SYT16: variants seen among roughly 807,000 people sequenced by gnomAD.
SYT16 encodes synaptotagmin-16.
A neutral mutation model predicts 61.4 loss-of-function variants in SYT16; 42 were observed. The observed-to-expected ratio is 0.68, with a 90% CI of 0.53 to 0.89. The LOEUF is 0.89. SYT16 is among the 40% of genes least tolerant of loss of function. The pLI is 0.00. For synonymous variants in SYT16, 314 were observed against 302.3 expected, an observed-to-expected ratio of 1.04 and a Z score of -0.40; for missense variants, 804 against 807.3, an observed-to-expected ratio of 1.00 and a Z score of 0.05.
intron 3 of SYT16, among the ~76,000 whole-genome samples, chr14:62,039,133 G>A (rs2054617679): frequency 6.6e-6 from 1 of 151,634 alleles, no homozygotes; most frequent in Non-Finnish European, 1.5e-5. Context: ...CTTCTTCAGT[G>A]AAGAAAAAAA....
At chr14:61,932,526 A>G (rs1235453785) in intron 1 of SYT16, among the ~76,000 whole-genome samples, 2 of 152,098 alleles carry the variant, frequency 1.3e-5, no homozygotes, top group African/African-American at 4.8e-5. Context: ...AAACCATCAG[A>G]TCTCGTGAGA....
At chr14:62,094,461 A>G (rs2057196276) in intron 7 of SYT16, among the ~76,000 whole-genome samples, 1 of 152,046 alleles carries the variant, frequency 6.6e-6, no homozygotes, top group Non-Finnish European at 1.5e-5. Context: ...CAACAAACTC[A>G]TTAGGCACAT....
intron 7 of SYT16, among the ~76,000 whole-genome samples, chr14:62,099,064 G>T (rs1235197565): frequency 6.6e-6 from 1 of 152,186 alleles, no homozygotes; most frequent in East Asian, 1.9e-4. Context: ...AATGGCAGCA[G>T]TGGTAAGCAA....
chr14:61,891,125 T>G (rs2048108229), intron 1 of SYT16, among the ~76,000 whole-genome samples: 2 of 152,130 alleles, frequency 1.3e-5, no homozygotes, highest in African/African-American at 4.8e-5. Context: ...CATTTTTCTT[T>G]TGGCTCTAGA....
chr14:62,024,609 A>G (rs935277122), intron 3 of SYT16, among the ~76,000 whole-genome samples: 4 of 152,028 alleles, frequency 2.6e-5, no homozygotes, highest in African/African-American at 7.2e-5. Flanking sequence ...ATTTATTACA[A>G]TCAGTAAACC....
intron 3 of SYT16, among the ~76,000 whole-genome samples, chr14:62,028,595 T>A (rs2054189290): frequency 6.6e-6 from 1 of 152,132 alleles, no homozygotes; most frequent in African/African-American, 2.4e-5. Flanking sequence ...TTATATTAAT[T>A]TATGTGTTAA....
chr14:61,904,075 A>T (rs934937986), intron 1 of SYT16, among the ~76,000 whole-genome samples: 1 of 152,170 alleles, frequency 6.6e-6, no homozygotes, highest in Non-Finnish European at 1.5e-5. Flanking sequence ...TCTCCTGGAT[A>T]CTGCTCACAC....
chr14:61,928,731 C>T (rs1477212940), intron 1 of SYT16, among the ~76,000 whole-genome samples: 1 of 152,266 alleles, frequency 6.6e-6, no homozygotes, highest in Non-Finnish European at 1.5e-5. Flanking sequence ...ATAAGCACAC[C>T]GGAGGTGTCT....
intron 3 of SYT16, among the ~76,000 whole-genome samples, chr14:62,046,472 C>T (rs1271487576): frequency 2.2e-4 from 33 of 151,876 alleles, no homozygotes; most frequent in East Asian, 9.7e-4. Flanking sequence ...ATCCCATTTG[C>T]CAATTTTGGC....
Position 61,996,478 on chromosome 14 carries a change from C to A in SYT16, c.459C>A (p.Gly153=), listed in dbSNP as rs769159158. 1 of 1,613,174 alleles carries A rather than the reference C, an allele frequency of 6.2e-7. No homozygotes were observed. Among genetic ancestry groups the A allele is most frequent in the East Asian group, 2.2e-5 (1 of 44,836 alleles). Residue 153 remains glycine (G), a synonymous_variant, in exon 3 of 8, where the codon GGC becomes GGA. Coordinates refer to ENST00000683842, the MANE Select transcript of SYT16 (RefSeq NM_001367656.1). Reference sequence around the variant, plus strand: ...ATCACCTTGAAAAGCAAAGAAGTGGCCTTCAACATGGCTTTGACAGCCAGC... The same window carrying A: ...ATCACCTTGAAAAGCAAAGAAGTGGACTTCAACATGGCTTTGACAGCCAGC... The part of the protein sequence containing the change: ...EEHHLEKQRS[G]LQHGFDSQLP...
intron 1 of SYT16, among the ~76,000 whole-genome samples, chr14:61,878,308 C>A (rs1359266246): frequency 6.6e-6 from 1 of 152,170 alleles, no homozygotes; most frequent in East Asian, 1.9e-4. Flanking sequence ...TTCTTGCCTC[C>A]TTTTTGCTCA....
chr14:61,896,764 T>G (rs755316582), intron 1 of SYT16, among the ~76,000 whole-genome samples: 3 of 152,256 alleles, frequency 2.0e-5, no homozygotes, highest in Non-Finnish European at 4.4e-5. Context: ...CTTGAAAATA[T>G]TTTGCTTTAT....
At chr14:62,014,855 A>G (rs895710707) in intron 3 of SYT16, among the ~76,000 whole-genome samples, 3 of 152,186 alleles carry the variant, frequency 2.0e-5, no homozygotes, top group African/African-American at 7.2e-5. Flanking sequence ...TTCCAGTACA[A>G]CTTCCTTTGA....
intron 1 of SYT16, among the ~76,000 whole-genome samples, chr14:61,946,150 T>A (rs2050426422): frequency 6.6e-6 from 1 of 152,072 alleles, no homozygotes; most frequent in African/African-American, 2.4e-5. Flanking sequence ...ATGGCACGTG[T>A]ATACCTATGT....
chr14:61,957,396 A>G (rs1348868583), intron 1 of SYT16, among the ~76,000 whole-genome samples: 1 of 151,904 alleles, frequency 6.6e-6, no homozygotes, highest in Non-Finnish European at 1.5e-5. Context: ...TGGATCTTAG[A>G]GGGAAGCTTT....
Position 61,961,946 on chromosome 14 carries a change from A to G in SYT16, c.-324-8186A>G, listed in dbSNP as rs2051132861. 2.0e-5 allele frequency among the ~76,000 whole-genome samples: 3 copies of G among 152,188 alleles called. No homozygotes were observed. In the South Asian group the frequency reaches 6.2e-4, roughly 32 times the overall value. On this transcript the variant is annotated intron_variant, in intron 1 of 7. Transcript: ENST00000683842. ...GAATACTACATAGCCATAGAAAAGAATGAGATTATGTCCTTTGCAGCAACA... is the reference window on the plus strand; with the variant it reads ...GAATACTACATAGCCATAGAAAAGAGTGAGATTATGTCCTTTGCAGCAACA...
intron 1 of SYT16, among the ~76,000 whole-genome samples, chr14:61,882,506 C>T (rs2047735922): frequency 6.6e-6 from 1 of 152,168 alleles, no homozygotes. Context: ...CATTTACCTC[C>T]ACCTAGTCTT....
intron 1 of SYT16, among the ~76,000 whole-genome samples, chr14:61,969,173 G>T (rs1308688105): frequency 1.3e-5 from 2 of 152,168 alleles, no homozygotes; most frequent in African/African-American, 4.8e-5. Flanking sequence ...ACTGATTAAA[G>T]CTGCTCTTAG....
Position 61,996,151 on chromosome 14 carries a change from A to G in SYT16, c.132A>G (p.Lys44=). Residue 44 remains lysine (K), a synonymous_variant, in exon 3 of 8, where the codon AAA becomes AAG. Transcript: ENST00000683842. The part of the protein sequence containing the change: ...MLSASLVNIS[K]QDSKLSDKLD... ...CTGCTTCGCTGGTTAACATAAGCAAACAAGACTCTAAATTGAGTGACAAAC... is the reference window on the plus strand; with the variant it reads ...CTGCTTCGCTGGTTAACATAAGCAAGCAAGACTCTAAATTGAGTGACAAAC... 1 of 1,613,458 alleles carries G rather than the reference A, an allele frequency of 6.2e-7. No individual in the cohort carries two copies. The highest frequency in any genetic ancestry group is 8.5e-7 in the Non-Finnish European group (1 of 1,179,568).
Sources: gnomAD v4.1 joint callset for allele counts (sites outside exome capture counted in the v4.1 genomes callset) on GRCh38, gnomAD v4.1.1 for gene constraint, MANE v1.5 for transcripts, NCBI Gene and HGNC (gene_info 2026-07-23, HGNC 2026-07-21) for gene names.